The following CDH13 variants were observed in gnomAD, a reference collection of about 807,000 sequenced individuals.
CDH13 encodes cadherin-13.
A neutral mutation model predicts 63.8 loss-of-function variants in CDH13; 24 were observed. The observed-to-expected ratio is 0.38, with a 90% CI of 0.27 to 0.53. CDH13 has a LOEUF of 0.53. Among genes scored for constraint, CDH13 ranks in the 20% least tolerant of loss-of-function variants. CDH13 has a pLI of 0.85. For synonymous variants in CDH13, 503 were observed against 355.3 expected (o/e 1.42, Z -4.67); for missense variants, 1,049 against 903.1 (o/e 1.16, Z -2.07).
chr16:83,421,257 G>A (rs2071706151), intron 6 of CDH13, among the ~76,000 whole-genome samples: 1 of 152,166 alleles, frequency 6.6e-6, no homozygotes, highest in Non-Finnish European at 1.5e-5. Flanking sequence ...ATATCCAGAA[G>A]AGGGTTAATT....
At chr16:82,701,728 C>T (rs959323917) in intron 1 of CDH13, among the ~76,000 whole-genome samples, 6 of 152,118 alleles carry the variant, frequency 3.9e-5, no homozygotes, top group Non-Finnish European at 5.9e-5. Context: ...AGTGTTCTCT[C>T]TTCCTAACAC....
chr16:82,699,519 A>C (rs2030730029), intron 1 of CDH13, among the ~76,000 whole-genome samples: 1 of 152,148 alleles, frequency 6.6e-6, no homozygotes, highest in Non-Finnish European at 1.5e-5. Flanking sequence ...TAACATGGCC[A>C]CCCTTAATGC....
At chr16:83,596,062 C>T (rs1460763536) in intron 7 of CDH13, among the ~76,000 whole-genome samples, 1 of 152,212 alleles carries the variant, frequency 6.6e-6, no homozygotes, top group Non-Finnish European at 1.5e-5. Context: ...ATTCGTCTTT[C>T]CTCTGAGCCT....
At chr16:82,825,278 A>G (rs2038188774) in intron 1 of CDH13, 1 of 152,206 alleles carries the variant, frequency 6.6e-6, no homozygotes, top group Non-Finnish European at 1.5e-5. Context: ...CCAAAGCAGT[A>G]AGGTGCACCC....
chr16:83,516,655 A>G (rs1394449787), intron 7 of CDH13, among the ~76,000 whole-genome samples: 3 of 152,224 alleles, frequency 2.0e-5, no homozygotes, highest in East Asian at 1.9e-4. Flanking sequence ...TATAAAGGCA[A>G]TGATCAGAAG....
chr16:83,619,935 C>A (rs1598379180), intron 8 of CDH13, among the ~76,000 whole-genome samples: 1 of 152,080 alleles, frequency 6.6e-6, no homozygotes, highest in African/African-American at 2.4e-5. Flanking sequence ...AAGGGCATGT[C>A]TGGCAGGAGG....
At chr16:83,736,524 A>C (rs1911551441) in intron 10 of CDH13, among the ~76,000 whole-genome samples, 1 of 152,174 alleles carries the variant, frequency 6.6e-6, no homozygotes, top group Non-Finnish European at 1.5e-5. Flanking sequence ...AATGACCCTT[A>C]CGAAGTGTCA....
intron 1 of CDH13, among the ~76,000 whole-genome samples, chr16:82,845,162 T>G (rs1197989265): frequency 1.3e-5 from 2 of 152,090 alleles, no homozygotes; most frequent in Admixed American, 6.5e-5. Context: ...AAGGAATCCT[T>G]GAGCTCACTG....
At chr16:82,844,531 G>A (rs2039170769) in intron 1 of CDH13, 2 of 150,914 alleles carry the variant, frequency 1.3e-5, no homozygotes, top group Admixed American at 6.6e-5. Context: ...AACCCGGGAG[G>A]CGGAGTTTGC....
At chr16:83,278,328 C>T in intron 5 of CDH13, among the ~76,000 whole-genome samples, 1 of 152,172 alleles carries the variant, frequency 6.6e-6, no homozygotes, top group Admixed American at 6.5e-5. Flanking sequence ...CCCCATTCAC[C>T]ATGGGCTCCT....
chr16:82,803,294 G>C (rs1427963014), intron 1 of CDH13, among the ~76,000 whole-genome samples: 1 of 152,140 alleles, frequency 6.6e-6, no homozygotes. Flanking sequence ...AATTCTCCTT[G>C]AGGGGCAATT....
chr16:83,565,056 G>A (rs1053893366), intron 7 of CDH13, among the ~76,000 whole-genome samples: 2 of 152,128 alleles, frequency 1.3e-5, no homozygotes, highest in Non-Finnish European at 2.9e-5. Context: ...CAGCGCTTTT[G>A]AGTCTCTCCC....
intron 1 of CDH13, among the ~76,000 whole-genome samples, chr16:82,736,836 C>T (rs1381401374): frequency 6.6e-6 from 1 of 152,142 alleles, no homozygotes; most frequent in Admixed American, 6.5e-5. Context: ...GATGGGGTTC[C>T]CACACCTGGT....
intron 2 of CDH13, among the ~76,000 whole-genome samples, chr16:82,879,388 C>T (rs2040615227): frequency 6.6e-6 from 1 of 150,668 alleles, no homozygotes; most frequent in African/African-American, 2.4e-5. Context: ...CCCCTCAAAC[C>T]TCACTTTGAG....
intron 11 of CDH13, among the ~76,000 whole-genome samples, chr16:83,755,234 C>G (rs766466183): frequency 1.3e-5 from 2 of 152,120 alleles, no homozygotes; most frequent in Admixed American, 6.5e-5. Context: ...CAGCAGAACA[C>G]AGGATTTTTA....
rs1037314968 is a variant in CDH13, at chr16:83,076,640, C to T, written c.366+44422C>T. ...TATATATATAAATATACACATCACACACACACACACACAGTCCCTGCCTCT... is the reference window on the plus strand; with the variant it reads ...TATATATATAAATATACACATCACATACACACACACACAGTCCCTGCCTCT... On this transcript the variant is annotated intron_variant, in intron 3 of 13. Transcript: ENST00000567109. 1.4e-4 allele frequency among the ~76,000 whole-genome samples: 22 copies of T among 152,008 alleles called. 1 individual carries two copies. Among genetic ancestry groups the T allele is most frequent in the African/African-American group, 7.3e-5 (3 of 41,364 alleles).
chr16:83,186,388 C>A (rs1371980402), intron 4 of CDH13, among the ~76,000 whole-genome samples: 2 of 151,998 alleles, frequency 1.3e-5, no homozygotes, highest in Admixed American at 6.6e-5. Flanking sequence ...CCACCCGCCT[C>A]GGCCTCCCAA....
intron 7 of CDH13, among the ~76,000 whole-genome samples, chr16:83,491,130 C>T (rs369763016): frequency 6.6e-6 from 1 of 152,196 alleles, no homozygotes; most frequent in South Asian, 2.1e-4. Context: ...TAGTCTTACC[C>T]TTGTGCAATC....
intron 4 of CDH13, among the ~76,000 whole-genome samples, chr16:83,194,710 C>G (rs1417234048): frequency 6.6e-6 from 1 of 152,102 alleles, no homozygotes; most frequent in Non-Finnish European, 1.5e-5. Context: ...AATAACTGTC[C>G]TAAAGTAGGT....
Sources: allele counts gnomAD v4.1 joint callset (sites outside exome capture counted in the v4.1 genomes callset), GRCh38; gene constraint gnomAD v4.1.1; transcripts MANE v1.5; gene names NCBI Gene and HGNC (gene_info 2026-07-23, HGNC 2026-07-21).